OPRM1: variants seen among roughly 807,000 people sequenced by gnomAD.
OPRM1 encodes the protein mu-type opioid receptor.
Under a neutral mutation model 31.8 loss-of-function variants are expected in OPRM1, and 27 were observed. The observed-to-expected ratio is 0.85, with a 90% CI of 0.63 to 1.17. The LOEUF (loss-of-function observed/expected upper bound fraction) is 1.17. Ranked by LOEUF, OPRM1 falls within the 50% of genes most tolerant of loss-of-function variation. OPRM1 has a pLI of 0.00. For synonymous variants in OPRM1, 196 were observed against 189.9 expected (o/e 1.03, Z -0.26); for missense variants, 536 against 511.1 (o/e 1.05, Z -0.47).
Position 154,124,680 on chromosome 6 carries a change from T to C in OPRM1, c.*5959T>C, listed in dbSNP as rs774296743. ...GTAAAACTTTATTGAAATACATTAATATGCTCCTGGAACATACTACTGGGT... is the reference window on the plus strand; with the variant it reads ...GTAAAACTTTATTGAAATACATTAACATGCTCCTGGAACATACTACTGGGT... On this transcript the variant is annotated 3_prime_UTR_variant, in exon 4 of 4. Coordinates refer to ENST00000330432, the MANE Select transcript of OPRM1 (RefSeq NM_000914.5). Among the ~76,000 whole-genome samples, 3 of 152,208 alleles carry C rather than the reference T, an allele frequency of 2.0e-5. No homozygotes were observed. The highest frequency in any genetic ancestry group is 4.4e-5 in the Non-Finnish European group (3 of 68,038).
intron 1 of OPRM1, among the ~76,000 whole-genome samples, chr6:154,047,329 G>C (rs1240451428): frequency 6.6e-6 from 1 of 152,056 alleles, no homozygotes; most frequent in Non-Finnish European, 1.5e-5. Context: ...GTGCAAGATG[G>C]GGAAAGACAA....
At chr6:154,062,534 A>G (rs1463658167) in intron 1 of OPRM1, among the ~76,000 whole-genome samples, 4 of 152,190 alleles carry the variant, frequency 2.6e-5, no homozygotes, top group African/African-American at 9.6e-5. Flanking sequence ...TCCACAGGGA[A>G]AGGAAAATAC....
At chr6:154,055,888 A>G (rs1215070540) in intron 1 of OPRM1, among the ~76,000 whole-genome samples, 1 of 152,208 alleles carries the variant, frequency 6.6e-6, no homozygotes, top group Non-Finnish European at 1.5e-5. Context: ...AGCAGGATCT[A>G]AGTCTAAATG....
At chr6:154,212,607 A>G (rs1215638769) in intron 3 of OPRM1, among the ~76,000 whole-genome samples, 29 of 152,244 alleles carry the variant, frequency 1.9e-4, no homozygotes, top group Non-Finnish European at 1.5e-5. Flanking sequence ...GCTATGGAGA[A>G]GGCTCAAAAT....
intron 3 of OPRM1, among the ~76,000 whole-genome samples, chr6:154,233,211 T>C (rs1055141853): frequency 2.0e-5 from 3 of 152,184 alleles, no homozygotes; most frequent in Non-Finnish European, 4.4e-5. Flanking sequence ...TCAAGTGATC[T>C]GCCCGCCTCA....
chr6:154,117,493 T>G (rs1796995733), intron 3 of OPRM1, among the ~76,000 whole-genome samples: 1 of 152,034 alleles, frequency 6.6e-6, no homozygotes, highest in Non-Finnish European at 1.5e-5. Context: ...CACAAGGCAA[T>G]ACGATGGGAC....
intron 1 of OPRM1, among the ~76,000 whole-genome samples, chr6:154,071,289 A>T (rs1345560877): frequency 6.6e-6 from 1 of 152,206 alleles, no homozygotes; most frequent in African/African-American, 2.4e-5. Context: ...GGTCTGCCTG[A>T]GGTGGGTTTC....
chr6:154,070,735 C>A (rs1296578433), intron 1 of OPRM1, among the ~76,000 whole-genome samples: 1 of 152,136 alleles, frequency 6.6e-6, no homozygotes, highest in Non-Finnish European at 1.5e-5. Context: ...ATTCTTACTA[C>A]TAGAATATGC....
intron 3 of OPRM1, among the ~76,000 whole-genome samples, chr6:154,180,524 G>A (rs925548005): frequency 2.6e-5 from 4 of 151,690 alleles, no homozygotes; most frequent in African/African-American, 9.7e-5. Flanking sequence ...CCAAATGAAT[G>A]TGCTGCTCCC....
intron 3 of OPRM1, among the ~76,000 whole-genome samples, chr6:154,229,692 C>T (rs1779573689): frequency 6.6e-6 from 1 of 152,120 alleles, no homozygotes; most frequent in Admixed American, 6.5e-5. Flanking sequence ...CATATAATTG[C>T]CATACAACTG....
intron 3 of OPRM1, among the ~76,000 whole-genome samples, chr6:154,148,965 T>C (rs1798425720): frequency 2.0e-5 from 3 of 152,344 alleles, no homozygotes; most frequent in Admixed American, 1.3e-4. Context: ...ATGTGGCCCC[T>C]GTATACAATT....
intron 3 of OPRM1, among the ~76,000 whole-genome samples, chr6:154,163,949 T>C (rs1015954059): frequency 1.3e-5 from 2 of 152,222 alleles, no homozygotes; most frequent in African/African-American, 2.4e-5. Flanking sequence ...GGATTGTTTA[T>C]AGAAAGTTAG....
At chr6:154,091,737 T>C in intron 3 of OPRM1, 1 of 1,198,780 alleles carries the variant, frequency 8.3e-7, no homozygotes, top group Non-Finnish European at 1.0e-6. Flanking sequence ...GGCCTTTACT[T>C]CTATGCAAAA....
At chr6:154,089,638 G>T in intron 1 of OPRM1, 188 bp from the exon 2 acceptor site, 2 of 556,594 alleles carry the variant, frequency 3.6e-6, no homozygotes, top group East Asian at 2.9e-5. Context: ...TGCTATTATT[G>T]CAGCTATTTA....
chr6:154,134,168 T>C (rs374688470), downstream of OPRM1, among the ~76,000 whole-genome samples: 25 of 152,342 alleles, frequency 1.6e-4, no homozygotes, highest in East Asian at 3.5e-3. Context: ...CCATGCCTAA[T>C]TTCTGTCACC....
At chr6:154,158,956 A>C (rs533236048) in intron 3 of OPRM1, 1 of 152,304 alleles carries the variant, frequency 6.6e-6, no homozygotes, top group Non-Finnish European at 1.5e-5. Context: ...CAGATGCCAA[A>C]GTCGTCTTGT....
chr6:154,091,897 G>C, intron 3 of OPRM1: 1 of 990,066 alleles, frequency 1.0e-6, no homozygotes, highest in Non-Finnish European at 1.2e-6. Context: ...TAAAGAGAGA[G>C]GGTGAGTGCC....
chr6:154,159,793 G>A, intron 3 of OPRM1: 1 of 1,517,958 alleles, frequency 6.6e-7, no homozygotes, highest in Non-Finnish European at 9.1e-7. Flanking sequence ...AGTTGCTTGT[G>A]ATAAAATATA....
rs1193037433 is a variant in OPRM1 at position 154,021,632 on chromosome 6, CAG to C, written c.-1+10617_-1+10618del. Among the ~76,000 whole-genome samples, 4 of 152,148 alleles carry C rather than the reference CAG, an allele frequency of 2.6e-5. No homozygotes were observed. The East Asian group carries it at 7.7e-4, about 29-fold the overall frequency. On this transcript the variant is annotated intron_variant, in intron 1 of 5. Transcript: ENST00000434900. ...TTTATTTAGCTTTTAATTTCTTCAT[CAG>C]AGTTTTATAAATTCCCTCATAAAGG...
Sources: gnomAD v4.1 joint callset for allele counts (sites outside exome capture counted in the v4.1 genomes callset) on GRCh38, gnomAD v4.1.1 for gene constraint, MANE v1.5 for transcripts, NCBI Gene and HGNC (gene_info 2026-07-23, HGNC 2026-07-21) for gene names.